SV2C: variants seen among roughly 807,000 people sequenced by gnomAD.
SV2C encodes solute carrier family 22 member B3.
Under a neutral mutation model 79.7 loss-of-function variants are expected in SV2C, and 49 were observed. The ratio of observed to expected loss-of-function variants is 0.61; its 90% CI spans 0.49 to 0.78. The LOEUF (loss-of-function observed/expected upper bound fraction) is 0.78, where lower values mean the gene tolerates loss of function less well. Ranked by LOEUF, SV2C falls within the 30% of genes least tolerant of loss-of-function variation. SV2C has a pLI of 0.00. For missense variants in SV2C, 833 were observed against 912.9 expected (o/e 0.91, Z 1.13); for synonymous variants, 334 against 333.2 (o/e 1.00, Z -0.03).
At chr5:75,969,308 C>G in the SV2C span, among the ~76,000 whole-genome samples, 2 of 152,142 alleles carry the variant, frequency 1.3e-5, no homozygotes, top group Non-Finnish European at 2.9e-5. Context: ...ATGACAGGAT[C>G]AAATTCACAC....
the SV2C span, among the ~76,000 whole-genome samples, chr5:76,043,114 A>C: frequency 3.9e-5 from 6 of 152,316 alleles, no homozygotes; most frequent in East Asian, 7.7e-4. Context: ...ACTTCCACGC[A>C]ATAACGAAGT....
At chr5:76,188,102 A>G (rs749122712) in intron 2 of SV2C, among the ~76,000 whole-genome samples, 6 of 152,070 alleles carry the variant, frequency 3.9e-5, no homozygotes, top group Non-Finnish European at 5.9e-5. Flanking sequence ...TCTACGAAAA[A>G]TACAAAAAAT....
intron 2 of SV2C, among the ~76,000 whole-genome samples, chr5:76,142,217 T>C (rs1256358211): frequency 6.6e-6 from 1 of 152,216 alleles, no homozygotes; most frequent in African/African-American, 2.4e-5. Flanking sequence ...AGAGAAAAAG[T>C]AAAAGAAGTA....
intron 1 of SV2C, among the ~76,000 whole-genome samples, chr5:76,129,891 G>A (rs917001189): frequency 3.9e-5 from 6 of 152,154 alleles, no homozygotes; most frequent in African/African-American, 1.2e-4. Flanking sequence ...AGTGTCTGAT[G>A]TGGTCATCCG....
chr5:75,942,183 C>T, the SV2C span, among the ~76,000 whole-genome samples: 1 of 152,196 alleles, frequency 6.6e-6, no homozygotes, highest in Non-Finnish European at 1.5e-5. Context: ...GCTCCTATGT[C>T]TGGGATCCTT....
intron 4 of SV2C, among the ~76,000 whole-genome samples, chr5:76,250,674 G>A (rs532582623): frequency 2.0e-5 from 3 of 152,184 alleles, no homozygotes; most frequent in South Asian, 2.1e-4. Flanking sequence ...AAGGGTCTCC[G>A]CTCCTGGGTC....
the SV2C span, among the ~76,000 whole-genome samples, chr5:75,874,929 C>A: frequency 6.6e-6 from 1 of 152,112 alleles, no homozygotes; most frequent in African/African-American, 2.4e-5. Context: ...GATGGAAAAA[C>A]ATTCCATGCT....
At chr5:76,250,904 G>A (rs1159924267) in intron 4 of SV2C, among the ~76,000 whole-genome samples, 1 of 151,982 alleles carries the variant, frequency 6.6e-6, no homozygotes, top group Non-Finnish European at 1.5e-5. Context: ...CCTACAAGAA[G>A]GGCAGCCATC....
chr5:75,960,750 T>C, the SV2C span, among the ~76,000 whole-genome samples: 4 of 151,960 alleles, frequency 2.6e-5, no homozygotes, highest in African/African-American at 9.7e-5. Context: ...AAAGGACACA[T>C]GATTATGTTT....
At chr5:76,297,240 A>G (rs1380102163) in intron 9 of SV2C, among the ~76,000 whole-genome samples, 1 of 152,204 alleles carries the variant, frequency 6.6e-6, no homozygotes, top group Non-Finnish European at 1.5e-5. Flanking sequence ...TTTTTTAAAA[A>G]ATAGCTTTTT....
intron 2 of SV2C, among the ~76,000 whole-genome samples, chr5:76,161,110 A>G (rs1252940349): frequency 4.6e-5 from 7 of 152,256 alleles, no homozygotes; most frequent in Admixed American, 2.6e-4. Flanking sequence ...CTAAAAGGTG[A>G]AAGCAACCCA....
chr5:75,933,920 T>C, the SV2C span, among the ~76,000 whole-genome samples: 4 of 152,236 alleles, frequency 2.6e-5, no homozygotes, highest in Non-Finnish European at 1.5e-5. Flanking sequence ...CCTCTCACTG[T>C]AGGGCACAGG....
chr5:75,877,063 T>A, the SV2C span, among the ~76,000 whole-genome samples: 1 of 151,848 alleles, frequency 6.6e-6, no homozygotes, highest in Non-Finnish European at 1.5e-5. Flanking sequence ...ACATTTTAGA[T>A]CGAAAGATAC....
intron 4 of SV2C, among the ~76,000 whole-genome samples, chr5:76,268,496 A>C (rs2112468897): frequency 6.6e-6 from 1 of 152,234 alleles, no homozygotes; most frequent in African/African-American, 2.4e-5. Flanking sequence ...TATTGGTGTA[A>C]ACTTGTAGGG....
chr5:76,086,836 G>A (rs1452434242), intron 1 of SV2C, among the ~76,000 whole-genome samples: 1 of 152,066 alleles, frequency 6.6e-6, no homozygotes, highest in African/African-American at 2.4e-5. Context: ...TGTCTTAATG[G>A]GATACTAAAA....
At chr5:75,985,928 T>G in the SV2C span, among the ~76,000 whole-genome samples, 1 of 151,726 alleles carries the variant, frequency 6.6e-6, no homozygotes, top group South Asian at 2.1e-4. Flanking sequence ...AATATTAATC[T>G]GAATAATCTC....
chr5:76,111,294 A>G (rs1219139892), intron 1 of SV2C, among the ~76,000 whole-genome samples: 1 of 151,908 alleles, frequency 6.6e-6, no homozygotes, highest in African/African-American at 2.4e-5. Context: ...TTCTTCACTA[A>G]CTCTTTCTTT....
At chr5:75,884,419 C>T in the SV2C span, among the ~76,000 whole-genome samples, 1 of 152,100 alleles carries the variant, frequency 6.6e-6, no homozygotes, top group African/African-American at 2.4e-5. Flanking sequence ...TTTTACATAG[C>T]TAAATAATAT....
chr5:76,207,480 G>T (rs75568969), intron 3 of SV2C, among the ~76,000 whole-genome samples: 1 of 152,194 alleles, frequency 6.6e-6, no homozygotes, highest in Non-Finnish European at 1.5e-5. Flanking sequence ...CTAGGATTGT[G>T]TGTTATAATG....
Sources: allele counts gnomAD v4.1 joint callset (sites outside exome capture counted in the v4.1 genomes callset), GRCh38; gene constraint gnomAD v4.1.1; transcripts MANE v1.5; gene names NCBI Gene and HGNC (gene_info 2026-07-23, HGNC 2026-07-21).